ZNF841: variants seen among roughly 807,000 people sequenced by gnomAD.
ZNF841 encodes zinc finger protein 841.
In ZNF841, 11 loss-of-function variants were observed where a neutral mutation model predicts 13.0. The observed-to-expected ratio is 0.85, with a 90% CI of 0.53 to 1.40. The LOEUF (loss-of-function observed/expected upper bound fraction) is 1.40, where lower values mean the gene tolerates loss of function less well. ZNF841 is among the 40% of genes most tolerant of loss of function. The pLI, the probability that ZNF841 is intolerant of heterozygous loss-of-function variation, is 0.00. For missense variants in ZNF841, 1,068 were observed against 1,139.5 expected, an observed-to-expected ratio of 0.94 and a Z score of 0.90; for synonymous variants, 369 against 381.6, an observed-to-expected ratio of 0.97 and a Z score of 0.38.
chr19:52,070,877 T>C (rs2087719729), intron 6 of ZNF841, among the ~76,000 whole-genome samples: 1 of 151,778 alleles, frequency 6.6e-6, no homozygotes, highest in South Asian at 2.1e-4. Context: ...ATAATGGGAG[T>C]ATAAAATTAA....
At chr19:52,073,748 T>C (rs2084517556) in intron 6 of ZNF841, among the ~76,000 whole-genome samples, 1 of 152,218 alleles carries the variant, frequency 6.6e-6, no homozygotes, top group Non-Finnish European at 1.5e-5. Flanking sequence ...TTTTAAATAA[T>C]GATTCAGTAT....
intron 4 of ZNF841, among the ~76,000 whole-genome samples, chr19:52,081,195 C>A (rs2088087307): frequency 6.6e-6 from 1 of 152,144 alleles, no homozygotes; most frequent in Non-Finnish European, 1.5e-5. Flanking sequence ...TGATTTAAAT[C>A]ATCTCTACAT....
At chr19:52,092,489 T>TTTTA (rs2088530441) in intron 2 of ZNF841, among the ~76,000 whole-genome samples, 1 of 152,178 alleles carries the variant, frequency 6.6e-6, no homozygotes, top group African/African-American at 2.4e-5. Context: ...AGGCAAGAGA[T>TTTTA]AACAGGTGTT....
chr19:52,082,336 A>G (rs7247612), intron 4 of ZNF841, among the ~76,000 whole-genome samples: 56,902 of 152,032 alleles, frequency 0.37, 11,356 homozygotes, highest in South Asian at 0.6. Flanking sequence ...GAAAATGGAG[A>G]GGTTTGCCAA....
chr19:52,068,792 G>A (rs2087660971), intron 6 of ZNF841, among the ~76,000 whole-genome samples: 2 of 151,982 alleles, frequency 1.3e-5, no homozygotes. Context: ...CCAACATGGT[G>A]AAACCTCATC....
chr19:52,075,816 G>A (rs946775849), intron 6 of ZNF841, among the ~76,000 whole-genome samples: 2 of 152,312 alleles, frequency 1.3e-5, no homozygotes, highest in South Asian at 2.1e-4. Flanking sequence ...TGACACTGTG[G>A]TCCATCATAA....
At chr19:52,080,826 TCTCCA>T (rs2088075920) in intron 4 of ZNF841, among the ~76,000 whole-genome samples, 1 of 152,000 alleles carries the variant, frequency 6.6e-6, no homozygotes, top group African/African-American at 2.4e-5. Flanking sequence ...GTGTGGAAGG[TCTCCA>T]CAATCTAGCT....
At chr19:52,085,229 C>T (rs1160556085) in intron 3 of ZNF841, among the ~76,000 whole-genome samples, 1 of 152,206 alleles carries the variant, frequency 6.6e-6, no homozygotes, top group Non-Finnish European at 1.5e-5. Context: ...ACAGAAGACA[C>T]AAAGGCTGGA....
chr19:52,083,481 A>C (rs565408914), intron 4 of ZNF841, among the ~76,000 whole-genome samples: 1 of 152,226 alleles, frequency 6.6e-6, no homozygotes, highest in East Asian at 1.9e-4. Flanking sequence ...GATCTAAAAA[A>C]AATAAAAATT....
At chr19:52,078,250 G>A (rs764152835) in intron 4 of ZNF841, among the ~76,000 whole-genome samples, 11 of 151,978 alleles carry the variant, frequency 7.2e-5, no homozygotes, top group Non-Finnish European at 1.3e-4. Context: ...TCATGCCACT[G>A]CACTCCAGCC....
intron 2 of ZNF841, among the ~76,000 whole-genome samples, chr19:52,090,795 G>A (rs1456649516): frequency 1.3e-5 from 2 of 152,150 alleles, no homozygotes; most frequent in Admixed American, 1.3e-4. Flanking sequence ...AAGGCTATAT[G>A]ATTAAACAGC....
chr19:52,059,954 T>G (rs1222746347), downstream of ZNF841, among the ~76,000 whole-genome samples: 1 of 152,184 alleles, frequency 6.6e-6, no homozygotes, highest in Non-Finnish European at 1.5e-5. Context: ...AGCCTCTGAT[T>G]GGTTGACTGA....
chr19:52,083,455 C>A (rs557625574), intron 4 of ZNF841, among the ~76,000 whole-genome samples: 250 of 149,994 alleles, frequency 1.7e-3, no homozygotes, highest in Admixed American at 4.2e-3. Flanking sequence ...CTACTATGTT[C>A]TTTTTTCTCT....
intron 6 of ZNF841, among the ~76,000 whole-genome samples, chr19:52,074,190 A>G (rs1206641455): frequency 6.6e-6 from 1 of 152,230 alleles, no homozygotes; most frequent in Non-Finnish European, 1.5e-5. Context: ...ACATAAAACA[A>G]TATGCATTCC....
In ZNF841 at chr19:52,066,262, A is replaced by G; in HGVS notation, c.1620T>C (p.Pro540=). ...CCTTGCCACACACATTACATTTGTA[A>G]GGTTTCTCTCCGGTATGAATTCTCT... ...VHQRIHTGEK[P]YKCNVCGKVF... is the part of the protein sequence containing the mutation. The change falls in exon 7 of 7, where the codon CCT becomes CCC. Residue 540 remains proline, a synonymous_variant. Transcript: ENST00000594440. 1 of 1,613,986 alleles carries G rather than the reference A, an allele frequency of 6.2e-7. No homozygotes were observed. Among genetic ancestry groups the G allele is most frequent in the South Asian group, 1.1e-5 (1 of 91,068 alleles).
chr19:52,094,846 A>G (rs542241538), intron 1 of ZNF841, among the ~76,000 whole-genome samples: 1 of 151,832 alleles, frequency 6.6e-6, no homozygotes, highest in East Asian at 1.9e-4. Context: ...CATCTCTCTG[A>G]AGGTCCCCTT....
intron 4 of ZNF841, among the ~76,000 whole-genome samples, chr19:52,083,640 A>G (rs1026586661): frequency 2.0e-5 from 3 of 152,060 alleles, no homozygotes; most frequent in Non-Finnish European, 4.4e-5. Context: ...AAGTTTTTAA[A>G]TATATATGCC....
chr19:52,062,871 A>AT (rs34996737), downstream of ZNF841, among the ~76,000 whole-genome samples: 8,576 of 120,086 alleles, frequency 0.071, 688 homozygotes, highest in African/African-American at 0.18. Context: ...CTGTTGAGAA[A>AT]TTTTTTTTTT....
intron 2 of ZNF841, among the ~76,000 whole-genome samples, chr19:52,089,860 T>C (rs2088414400): frequency 6.6e-6 from 1 of 152,108 alleles, no homozygotes; most frequent in South Asian, 2.1e-4. Flanking sequence ...TTTTCCCCCA[T>C]TTTTCTACCT....
Sources: gnomAD v4.1 joint callset for allele counts (sites outside exome capture counted in the v4.1 genomes callset) on GRCh38, gnomAD v4.1.1 for gene constraint, MANE v1.5 for transcripts, NCBI Gene and HGNC (gene_info 2026-07-23, HGNC 2026-07-21) for gene names.